Variants in REDIC1 observed in about 807,000 individuals in gnomAD.
REDIC1 encodes the protein regulator of DNA class I crossover intermediates 1, also known as HEI10 Interacting Protein 1.
At chr12:39,710,678 A>C in the REDIC1 span, among the ~76,000 whole-genome samples, 1 of 151,762 alleles carries the variant, frequency 6.6e-6, no homozygotes, top group Admixed American at 6.6e-5. Context: ...ATAAATTATC[A>C]CCAAACCTCT....
the REDIC1 span, chr12:39,745,949 G>C: frequency 6.6e-6 from 1 of 152,200 alleles, no homozygotes; most frequent in African/African-American, 2.4e-5. Flanking sequence ...ATTGAGCACA[G>C]GGTCCGGTTC....
the REDIC1 span, among the ~76,000 whole-genome samples, chr12:39,831,403 T>C: frequency 6.6e-6 from 1 of 152,178 alleles, no homozygotes; most frequent in Non-Finnish European, 1.5e-5. Context: ...ATATTTACTG[T>C]GTACAAGTCG....
the REDIC1 span, among the ~76,000 whole-genome samples, chr12:39,628,236 T>G: frequency 6.6e-6 from 1 of 152,184 alleles, no homozygotes; most frequent in Non-Finnish European, 1.5e-5. Flanking sequence ...ACACTGCAAT[T>G]TTAAATAAAT....
the REDIC1 span, among the ~76,000 whole-genome samples, chr12:39,636,113 T>G: frequency 6.6e-6 from 1 of 152,268 alleles, no homozygotes; most frequent in East Asian, 1.9e-4. Context: ...TGTTGGAGTG[T>G]CATTTGCATT....
chr12:39,848,227 C>G, the REDIC1 span, among the ~76,000 whole-genome samples: 1 of 152,268 alleles, frequency 6.6e-6, no homozygotes, highest in African/African-American at 2.4e-5. Flanking sequence ...AAACTATCAA[C>G]AGAGTAAACA....
At chr12:39,781,726 C>A in the REDIC1 span, among the ~76,000 whole-genome samples, 1 of 152,172 alleles carries the variant, frequency 6.6e-6, no homozygotes, top group Non-Finnish European at 1.5e-5. Context: ...AACACATAGA[C>A]AAGCATACAA....
chr12:39,654,916 T>G, the REDIC1 span, among the ~76,000 whole-genome samples: 2 of 152,318 alleles, frequency 1.3e-5, no homozygotes, highest in South Asian at 4.1e-4. Flanking sequence ...TTTCTTGTTA[T>G]GGTCTGTTCA....
the REDIC1 span, among the ~76,000 whole-genome samples, chr12:39,793,991 AAT>A: frequency 1.3e-5 from 2 of 151,968 alleles, no homozygotes; most frequent in East Asian, 3.9e-4. Flanking sequence ...AGAACTGTAA[AAT>A]TTTCTGCTCT....
chr12:39,745,231 G>A, the REDIC1 span, among the ~76,000 whole-genome samples: 14 of 152,234 alleles, frequency 9.2e-5, 1 homozygote, highest in East Asian at 2.7e-3. Context: ...TCAGTGATTA[G>A]GCTTAGTTCC....
the REDIC1 span, among the ~76,000 whole-genome samples, chr12:39,778,793 A>G: frequency 6.6e-6 from 1 of 152,166 alleles, no homozygotes; most frequent in East Asian, 1.9e-4. Context: ...CTTAAATACC[A>G]ATGACTGAAA....
chr12:39,653,687 C>T, the REDIC1 span, among the ~76,000 whole-genome samples: 1 of 151,568 alleles, frequency 6.6e-6, no homozygotes, highest in Non-Finnish European at 1.5e-5. Flanking sequence ...ACTTTGCTAA[C>T]TAGAGCCTCC....
the REDIC1 span, among the ~76,000 whole-genome samples, chr12:39,711,591 A>ATGTGCATAAACATGCATGTG: frequency 1.2e-4 from 3 of 26,062 alleles, 1 homozygote; most frequent in Admixed American, 8.1e-4. Context: ...ATGCATGTGT[A>ATGTGCATAAACATGCATGTG]TATGTGTATA....
At chr12:39,839,489 T>C in the REDIC1 span, among the ~76,000 whole-genome samples, 1 of 152,112 alleles carries the variant, frequency 6.6e-6, no homozygotes, top group Admixed American at 6.6e-5. Context: ...CTCCCAGAGA[T>C]TGCTGGTGGT....
At chr12:39,640,918 T>G in the REDIC1 span, 1 of 1,552,216 alleles carries the variant, frequency 6.4e-7, no homozygotes, top group African/African-American at 1.4e-5. Context: ...GGCCATTTCT[T>G]TGATCACTAT....
the REDIC1 span, among the ~76,000 whole-genome samples, chr12:39,869,873 C>T: frequency 6.6e-6 from 1 of 152,236 alleles, no homozygotes; most frequent in South Asian, 2.1e-4. Context: ...GAGCCCTTTA[C>T]TCTCTGTGTC....
chr12:39,655,832 C>G, the REDIC1 span, among the ~76,000 whole-genome samples: 1 of 152,282 alleles, frequency 6.6e-6, no homozygotes, highest in South Asian at 2.1e-4. Context: ...AGTACTGCTT[C>G]TCAGTTTATC....
the REDIC1 span, among the ~76,000 whole-genome samples, chr12:39,797,753 C>T: frequency 2.0e-5 from 3 of 152,036 alleles, no homozygotes; most frequent in Non-Finnish European, 4.4e-5. Flanking sequence ...CACACACACA[C>T]ACACACACAC....
the REDIC1 span, among the ~76,000 whole-genome samples, chr12:39,769,569 C>T: frequency 3.3e-5 from 5 of 152,022 alleles, no homozygotes; most frequent in East Asian, 3.9e-4. Context: ...TTCCTCCCTC[C>T]GGTGGTACAA....
At chr12:39,829,401 T>TTTTTC in the REDIC1 span, 1 of 100,182 alleles carries the variant, frequency 1.0e-5, no homozygotes, top group African/African-American at 4.2e-5. Flanking sequence ...TCTTTTTTTT[T>TTTTTC]TTTTTTTTTT....
Sources: gnomAD v4.1 joint callset for allele counts (sites outside exome capture counted in the v4.1 genomes callset) on GRCh38, gnomAD v4.1.1 for gene constraint, MANE v1.5 for transcripts, NCBI Gene and HGNC (gene_info 2026-07-23, HGNC 2026-07-21) for gene names.